EIF4ENIF1: variants seen among roughly 807,000 people sequenced by gnomAD.
EIF4ENIF1 encodes the protein eukaryotic translation initiation factor 4E nuclear import factor 1, also known as eukaryotic translation initiation factor 4E transporter.
In EIF4ENIF1, 23 loss-of-function variants were observed where a neutral mutation model predicts 110.5. The ratio of observed to expected loss-of-function variants is 0.21; its 90% CI spans 0.15 to 0.29. The LOEUF (loss-of-function observed/expected upper bound fraction) is 0.29, where lower values mean the gene tolerates loss of function less well. Among genes scored for constraint, EIF4ENIF1 ranks in the 10% least tolerant of loss-of-function variants. The pLI, the probability that EIF4ENIF1 is intolerant of heterozygous loss-of-function variation, is 1.00. For synonymous variants in EIF4ENIF1, 440 were observed against 437.0 expected, an observed-to-expected ratio of 1.01 and a Z score of -0.09; for missense variants, 1,031 against 1,221.1, an observed-to-expected ratio of 0.84 and a Z score of 2.32.
intron 8 of EIF4ENIF1, 87 bp downstream of exon 8, chr22:31,455,765 T>C (rs951563723): frequency 2.2e-5 from 34 of 1,551,102 alleles, no homozygotes; most frequent in Admixed American, 7.2e-5. Flanking sequence ...TTGACCCTAA[T>C]TGACTCCTGA....
intron 11 of EIF4ENIF1, 26 bp from the exon 12 acceptor site, chr22:31,449,557 G>A: frequency 6.3e-7 from 1 of 1,599,074 alleles, no homozygotes; most frequent in Non-Finnish European, 8.5e-7. Context: ...CCAAATCCCT[G>A]TGAACTTAGT....
At position 31,455,903 on chromosome 22, in the gene EIF4ENIF1, G is replaced by A; in HGVS notation, c.1048C>T (p.Arg350Ter). 2 of 1,614,108 alleles carry A rather than the reference G, an allele frequency of 1.2e-6. No homozygotes were observed. Among genetic ancestry groups the A allele is most frequent in the Non-Finnish European group, 8.5e-7 (1 of 1,180,018 alleles). Residue 350 changes from arginine to a stop codon, truncating the protein, a stop_gained, in exon 8 of 19, where the codon CGA (arginine) becomes TGA (stop). Transcript: ENST00000330125. LOFTEE classifies it high-confidence loss of function. ...WFSNPSRSGS[R>*]SSSLGSTPHE... ...GGTGTTGACCCAAGACTGCTGGATC[G>A]GCTTCCTGATCTGCTCGGGTTAGAG...
Position 31,488,693 on chromosome 22 carries a change from GTTTCACCCA to G in EIF4ENIF1, c.17_25del (p.Met6_Glu8del). On this transcript the variant is annotated inframe_deletion, in exon 2 of 19. Coordinates refer to ENST00000330125, the MANE Select transcript of EIF4ENIF1 (RefSeq NM_019843.4). ...GTCAAGGAAAGCATCTCCACTTTCT[GTTTCACCCA>G]TACTTCTCCTATCCATGGCTCCTTG... 1 of 1,614,098 alleles carries G rather than the reference GTTTCACCCA, an allele frequency of 6.2e-7. No individual in the cohort carries two copies. Among genetic ancestry groups the G allele is most frequent in the South Asian group, 1.1e-5 (1 of 91,082 alleles).
At chr22:31,462,844 A>G (rs990491758) in intron 6 of EIF4ENIF1, 88 bp downstream of exon 6, 66 of 1,402,994 alleles carry the variant, frequency 4.7e-5, no homozygotes, top group Non-Finnish European at 6.3e-5. Context: ...CGGCCTCCCA[A>G]AGTGTTGGGA....
rs2051715235 is a variant in EIF4ENIF1, at chr22:31,479,198, G to A, written c.97-7281C>T. 1.3e-5 allele frequency among the ~76,000 whole-genome samples: 2 copies of A among 151,622 alleles called. 1 individual carries two copies. Among genetic ancestry groups the A allele is most frequent in the Admixed American group, 1.3e-4 (2 of 15,218 alleles). On this transcript the variant is annotated intron_variant, in intron 2 of 18. Transcript: ENST00000330125. ...TCTGCTGCCTCAGCCTCCTGAGTAG[G>A]TGGGATTACAGGCTCATGCCGCCAT... is the stretch of plus-strand genomic sequence containing the variant.
At chr22:31,471,709 T>C in intron 3 of EIF4ENIF1, 135 bp downstream of exon 3, 1 of 773,660 alleles carries the variant, frequency 1.3e-6, no homozygotes, top group Non-Finnish European at 2.1e-6. Flanking sequence ...ACCCATCTTA[T>C]TACCTCTCGA....
chr22:31,440,627 C>A (rs2050261844), intron 18 of EIF4ENIF1, 77 bp downstream of exon 18: 1 of 1,494,934 alleles, frequency 6.7e-7, no homozygotes, highest in Non-Finnish European at 9.0e-7. Flanking sequence ...TAATTCATCT[C>A]CACTGGAAAC....
intron 12 of EIF4ENIF1, 47 bp downstream of exon 12, chr22:31,449,301 T>C: frequency 6.3e-7 from 1 of 1,587,280 alleles, no homozygotes; most frequent in African/African-American, 1.3e-5. Flanking sequence ...TGAGCTACCG[T>C]GCCTGGCCAT....
At chr22:31,453,882 T>C (rs1387578659) in intron 10 of EIF4ENIF1, among the ~76,000 whole-genome samples, 2 of 152,194 alleles carry the variant, frequency 1.3e-5, no homozygotes, top group Non-Finnish European at 2.9e-5. Flanking sequence ...GACTTAAAGT[T>C]ATACAGGCAT....
At chr22:31,445,553 G>A (rs2050436420) in intron 14 of EIF4ENIF1, among the ~76,000 whole-genome samples, 1 of 152,130 alleles carries the variant, frequency 6.6e-6, no homozygotes, top group African/African-American at 2.4e-5. Flanking sequence ...AAACTTGAGG[G>A]TCCCACATGA....
chr22:31,437,035 G>GT (rs1392401080), downstream of EIF4ENIF1: 2 of 152,280 alleles, frequency 1.3e-5, no homozygotes, highest in Non-Finnish European at 2.9e-5. Context: ...TCCCTTCCCT[G>GT]TTAATAGAGT....
At chr22:31,480,360 C>A (rs945625709) in intron 2 of EIF4ENIF1, among the ~76,000 whole-genome samples, 6 of 152,220 alleles carry the variant, frequency 3.9e-5, no homozygotes, top group African/African-American at 1.4e-4. Flanking sequence ...TTATCCATTT[C>A]TTTCTGCAGA....
At chr22:31,454,966 C>G (rs537381618) in intron 9 of EIF4ENIF1, among the ~76,000 whole-genome samples, 170 bp downstream of exon 9, 1 of 152,052 alleles carries the variant, frequency 6.6e-6, no homozygotes, top group African/African-American at 2.4e-5. Flanking sequence ...GTGAGATTCT[C>G]AAAGAGGTGG....
At chr22:31,472,825 C>G (rs750195859) in intron 2 of EIF4ENIF1, among the ~76,000 whole-genome samples, 7 of 152,074 alleles carry the variant, frequency 4.6e-5, no homozygotes, top group Non-Finnish European at 8.8e-5. Flanking sequence ...GTTTTGGAGA[C>G]ATTTAAAGTC....
chr22:31,450,453 AG>A, intron 10 of EIF4ENIF1, 93 bp from the exon 11 acceptor site: 1 of 986,312 alleles, frequency 1.0e-6, no homozygotes, highest in Non-Finnish European at 1.6e-6. Context: ...AAATACTCCT[AG>A]GGAGTTAATA....
chr22:31,492,977 A>G (rs1467521162), upstream of EIF4ENIF1, among the ~76,000 whole-genome samples: 1 of 151,414 alleles, frequency 6.6e-6, no homozygotes, highest in African/African-American at 2.4e-5. Flanking sequence ...TGATCCGCCC[A>G]CCTCGGCCTC....
At chr22:31,491,079 G>A (rs1204054134), upstream of EIF4ENIF1, among the ~76,000 whole-genome samples, 1 of 152,138 alleles carries the variant, frequency 6.6e-6, no homozygotes, top group Admixed American at 6.6e-5. Context: ...GCCTGAGTTT[G>A]CATTCTCATC....
chr22:31,458,488 G>C lies in EIF4ENIF1; in HGVS notation c.950C>G (p.Pro317Arg). Residue 317 changes from proline (P) to arginine (R), a missense_variant, in exon 7 of 19, where the codon CCA becomes CGA. Pro to Arg is a moderately radical substitution (Grantham distance 103, BLOSUM62 -2). Around this residue, in one of 3 missense-constraint regions of EIF4ENIF1, gnomAD observed 704 missense variants for 879.7 expected, o/e 0.80. Transcript: ENST00000330125. The stretch of plus-strand genomic sequence containing the variant: ...TGCTACACTCACCGAAGCCAAGCAT[G>C]GCACCTTATCAAGGTTAAAGAACTC... ...FNEFFNLDKV[P>R]CLASMIEDVL... is the part of the protein sequence containing the mutation. The C allele has an allele frequency of 2.5e-6, 4 of 1,595,520 alleles. No individual in the cohort carries two copies. Among genetic ancestry groups the C allele is most frequent in the Non-Finnish European group, 3.4e-6 (4 of 1,166,916 alleles).
intron 7 of EIF4ENIF1, among the ~76,000 whole-genome samples, chr22:31,457,943 TA>T (rs1181024974): frequency 6.6e-6 from 1 of 152,014 alleles, no homozygotes; most frequent in Non-Finnish European, 1.5e-5. Flanking sequence ...AAAATAACTT[TA>T]AAAAGCCAGG....
Sources: allele counts gnomAD v4.1 joint callset (sites outside exome capture counted in the v4.1 genomes callset), GRCh38; gene constraint gnomAD v4.1.1; regional missense constraint gnomAD v4.1.1; transcripts MANE v1.5; gene names NCBI Gene and HGNC (gene_info 2026-07-23, HGNC 2026-07-21).